The following FEZ2 variants were observed in gnomAD, a reference collection of about 807,000 sequenced individuals.
FEZ2 encodes the protein fasciculation and elongation protein zeta-2.
FEZ2 carries 51 observed loss-of-function variants against 40.4 expected under a neutral mutation model. That is an observed-to-expected ratio of 1.26 (90% confidence interval 1.01 to 1.59). The LOEUF is 1.59. FEZ2 is among the 40% of genes most tolerant of loss of function. FEZ2 has a pLI of 0.00. For missense variants in FEZ2, 640 were observed against 438.3 expected (o/e 1.46, Z -4.11); for synonymous variants, 242 against 172.0 (o/e 1.41, Z -3.18).
chr2:36,570,083 G>C (rs897406189), intron 5 of FEZ2, among the ~76,000 whole-genome samples: 1 of 146,296 alleles, frequency 6.8e-6, no homozygotes, highest in African/African-American at 2.5e-5. Flanking sequence ...GAGGAAACAA[G>C]TGTAAAAAAT....
At chr2:36,580,966 A>G (rs1316387281) in intron 4 of FEZ2, among the ~76,000 whole-genome samples, 1 of 152,184 alleles carries the variant, frequency 6.6e-6, no homozygotes, top group Non-Finnish European at 1.5e-5. Flanking sequence ...AGCCTGGCCA[A>G]CATGACGAAA....
intron 2 of FEZ2, among the ~76,000 whole-genome samples, chr2:36,586,741 G>C (rs1263221001): frequency 2.0e-5 from 3 of 152,070 alleles, no homozygotes; most frequent in Non-Finnish European, 4.4e-5. Context: ...AGGACATCAA[G>C]ACCACCCTGA....
chr2:36,592,505 G>C (rs1259569494), intron 1 of FEZ2, among the ~76,000 whole-genome samples: 2 of 152,130 alleles, frequency 1.3e-5, no homozygotes, highest in Admixed American at 6.5e-5. Context: ...ATGATGTTTG[G>C]CTTTAAAATG....
intron 6 of FEZ2, chr2:36,558,070 T>C (rs544438785): frequency 6.4e-6 from 1 of 157,308 alleles, no homozygotes; most frequent in Non-Finnish European, 1.4e-5. Context: ...ACCGTAAATC[T>C]TTCCTATTCA....
At chr2:36,565,524 C>G (rs1668211795) in intron 5 of FEZ2, among the ~76,000 whole-genome samples, 1 of 152,110 alleles carries the variant, frequency 6.6e-6, no homozygotes, top group East Asian at 1.9e-4. Context: ...CCCTAACTGT[C>G]CCCTCCAAGT....
At chr2:36,595,294 G>A (rs757562062) in intron 1 of FEZ2, among the ~76,000 whole-genome samples, 10 of 151,804 alleles carry the variant, frequency 6.6e-5, no homozygotes, top group Admixed American at 5.3e-4. Flanking sequence ...TCACCATAAC[G>A]TAGAATCAAT....
At chr2:36,575,800 G>A (rs1447914189) in intron 5 of FEZ2, among the ~76,000 whole-genome samples, 1 of 151,674 alleles carries the variant, frequency 6.6e-6, no homozygotes, top group African/African-American at 2.4e-5. Flanking sequence ...TATTTCATTA[G>A]AGTATCTTTG....
At chr2:36,566,478 C>T (rs969480069) in intron 5 of FEZ2, among the ~76,000 whole-genome samples, 5 of 151,858 alleles carry the variant, frequency 3.3e-5, no homozygotes, top group Non-Finnish European at 7.4e-5. Flanking sequence ...TCTCAAAATC[C>T]TTAAGGACAG....
rs754958141 is a variant in FEZ2 at position 36,578,907 on chromosome 2, C to T, written c.635-42G>A. On this transcript the variant is annotated intron_variant, in intron 4 of 7. Coordinates refer to ENST00000405912, the MANE Select transcript of FEZ2 (RefSeq NM_005102.3). ...AATACAGCAGATATTAAGACAAAAA[C>T]ATTTCAAGGAAGCAAAACAGAGTAG... The T allele has an allele frequency of 2.6e-6, 4 of 1,565,438 alleles. No individual in the cohort carries two copies. In the South Asian group the frequency reaches 3.5e-5, roughly 14 times the overall value.
chr2:36,589,898 T>C (rs982924922), intron 2 of FEZ2: 14 of 152,206 alleles, frequency 9.2e-5, no homozygotes, highest in Non-Finnish European at 1.8e-4. Context: ...TAATGAAATA[T>C]AGAGCACGCA....
intron 3 of FEZ2, among the ~76,000 whole-genome samples, chr2:36,582,819 A>G (rs1446705562): frequency 2.6e-5 from 4 of 152,204 alleles, no homozygotes; most frequent in Non-Finnish European, 5.9e-5. Flanking sequence ...CATTTCAACA[A>G]TACAACAGAG....
At chr2:36,597,634 T>A (rs1669265948) in intron 1 of FEZ2, among the ~76,000 whole-genome samples, 1 of 152,184 alleles carries the variant, frequency 6.6e-6, no homozygotes, top group Non-Finnish European at 1.5e-5. Flanking sequence ...GAGGGTTTGG[T>A]TTGCAGGAAG....
At chr2:36,560,960 G>T (rs1391421179) in intron 5 of FEZ2, 2 of 648,182 alleles carry the variant, frequency 3.1e-6, no homozygotes, top group Non-Finnish European at 5.2e-6. Flanking sequence ...ATGTGCCCAA[G>T]AGGCAAGCAG....
intron 5 of FEZ2, among the ~76,000 whole-genome samples, chr2:36,559,741 T>A (rs1261660217): frequency 6.6e-6 from 1 of 152,210 alleles, no homozygotes; most frequent in Non-Finnish European, 1.5e-5. Flanking sequence ...CCTGGCCCGC[T>A]CTCTGGCTAC....
chr2:36,586,752 G>A (rs1668911135), intron 2 of FEZ2, among the ~76,000 whole-genome samples: 1 of 152,122 alleles, frequency 6.6e-6, no homozygotes, highest in Non-Finnish European at 1.5e-5. Context: ...ACCACCCTGA[G>A]CAACACAGGA....
rs769475759 is a variant in FEZ2 at position 36,581,167 on chromosome 2, G to A, written c.634+123C>T. ...CCGTCTCAACAACAACAACAAAAATGTAAATTTGGACACAAACACAAACAG... is the reference window on the plus strand; with the variant it reads ...CCGTCTCAACAACAACAACAAAAATATAAATTTGGACACAAACACAAACAG... On this transcript the variant is annotated intron_variant, in intron 4 of 7. Coordinates refer to ENST00000405912, the MANE Select transcript of FEZ2 (RefSeq NM_005102.3). The A allele has an allele frequency of 3.1e-6, 3 of 974,186 alleles. No individual in the cohort carries two copies. The Admixed American group carries it at 7.0e-5, about 23-fold the overall frequency. 60.3% of individuals were successfully genotyped at this position (974,186 alleles called of 1,614,324 possible).
intron 5 of FEZ2, among the ~76,000 whole-genome samples, chr2:36,566,720 C>T (rs1668251225): frequency 6.6e-6 from 1 of 152,170 alleles, no homozygotes; most frequent in African/African-American, 2.4e-5. Context: ...CAGAAAAGTG[C>T]TGAATTAGAA....
intron 5 of FEZ2, among the ~76,000 whole-genome samples, chr2:36,567,634 T>C (rs1404501959): frequency 2.6e-5 from 4 of 151,570 alleles, no homozygotes; most frequent in Non-Finnish European, 5.9e-5. Context: ...TGGTGGCGGG[T>C]GCCTGTAATC....
At chr2:36,593,530 G>A (rs891601020) in intron 1 of FEZ2, among the ~76,000 whole-genome samples, 1 of 152,110 alleles carries the variant, frequency 6.6e-6, no homozygotes, top group African/African-American at 2.4e-5. Flanking sequence ...CCACATGGAA[G>A]CTGCCAAGGC....
Sources: allele counts gnomAD v4.1 joint callset (sites outside exome capture counted in the v4.1 genomes callset), GRCh38; gene constraint gnomAD v4.1.1; transcripts MANE v1.5; gene names NCBI Gene and HGNC (gene_info 2026-07-23, HGNC 2026-07-21).